The following TRPM3 variants were observed in gnomAD, a reference collection of about 807,000 sequenced individuals.
TRPM3 encodes the protein transient receptor potential cation channel subfamily M member 3.
TRPM3 carries 77 observed loss-of-function variants against 181.2 expected under a neutral mutation model. The observed-to-expected ratio is 0.42, with a 90% confidence interval of 0.35 to 0.51. TRPM3 has a LOEUF of 0.51. TRPM3 is among the 20% of genes least tolerant of loss of function. The pLI is 0.01. For synonymous variants in TRPM3, 745 were observed against 796.4 expected (o/e 0.94, Z 1.09); for missense variants, 1,759 against 2,196.7 (o/e 0.80, Z 3.98).
chr9:70,944,819 T>A (rs1301879157), intron 1 of TRPM3, among the ~76,000 whole-genome samples: 4 of 152,126 alleles, frequency 2.6e-5, no homozygotes, highest in Non-Finnish European at 5.9e-5. Context: ...CAAGGAGATG[T>A]TTATGCTCAC....
intron 6 of TRPM3, among the ~76,000 whole-genome samples, chr9:70,801,709 G>T (rs1438854823): frequency 7.7e-6 from 1 of 130,452 alleles, no homozygotes; most frequent in African/African-American, 2.8e-5. Flanking sequence ...TGTCTTGTCT[G>T]TGAAACAGCT....
chr9:70,783,927 A>C, intron 7 of TRPM3, 178 bp downstream of exon 7: 2 of 1,354,606 alleles, frequency 1.5e-6, no homozygotes, highest in South Asian at 2.0e-5. Flanking sequence ...CAGGACATTT[A>C]GAATATGTTT....
chr9:70,588,690 C>A (rs773420243), intron 22 of TRPM3, among the ~76,000 whole-genome samples: 3 of 152,130 alleles, frequency 2.0e-5, no homozygotes, highest in Non-Finnish European at 4.4e-5. Flanking sequence ...AGAAAAGAGG[C>A]AAGACGTCGT....
chr9:71,321,509 T>C (rs1055727504), intron 1 of TRPM3, among the ~76,000 whole-genome samples: 2 of 152,192 alleles, frequency 1.3e-5, no homozygotes, highest in African/African-American at 2.4e-5. Context: ...TCATCTCATA[T>C]GAGGCATTCA....
intron 7 of TRPM3, among the ~76,000 whole-genome samples, chr9:70,770,368 A>C (rs1339372456): frequency 1.3e-5 from 2 of 152,218 alleles, no homozygotes; most frequent in African/African-American, 4.8e-5. Flanking sequence ...TGCCCATAGA[A>C]GTTCTCAATA....
At chr9:71,002,023 A>T (rs1483452345) in intron 1 of TRPM3, among the ~76,000 whole-genome samples, 2 of 152,182 alleles carry the variant, frequency 1.3e-5, no homozygotes, top group Non-Finnish European at 1.5e-5. Context: ...TACACTTAGC[A>T]ATCAGGTAAA....
chr9:70,787,353 TTC>T (rs2083916294), intron 6 of TRPM3, among the ~76,000 whole-genome samples: 1 of 152,132 alleles, frequency 6.6e-6, no homozygotes, highest in Non-Finnish European at 1.5e-5. Context: ...TGCTTCCAAA[TTC>T]TCTCTTATTT....
At chr9:70,894,293 C>T (rs1013094281) in intron 1 of TRPM3, among the ~76,000 whole-genome samples, 3 of 152,156 alleles carry the variant, frequency 2.0e-5, no homozygotes, top group African/African-American at 4.8e-5. Flanking sequence ...CAGGACACTA[C>T]CAGCTAGGAG....
chr9:70,784,227 A>G lies in TRPM3; in HGVS notation c.1026T>C (p.Asn342=), dbSNP rs2083088220. ...GGTACTCCAAAACAATCGAGATCAC[A>G]TTGGGTCCTCCTTCCACTATGAGTG... ...VVALIVEGGP[N]VISIVLEYLR... is the part of the protein sequence containing the mutation. The change falls in exon 7 of 26, where the codon AAT becomes AAC. Residue 342 remains asparagine (N), a synonymous_variant. Coordinates refer to ENST00000677713, the MANE Select transcript of TRPM3 (RefSeq NM_001366145.2). The G allele has an allele frequency of 6.2e-7, 1 of 1,613,652 alleles. No individual in the cohort carries two copies. Among genetic ancestry groups the G allele is most frequent in the Non-Finnish European group, 8.5e-7 (1 of 1,179,700 alleles).
At chr9:70,617,283 G>A (rs781270832) in intron 17 of TRPM3, among the ~76,000 whole-genome samples, 31 of 152,148 alleles carry the variant, frequency 2.0e-4, no homozygotes, top group Non-Finnish European at 3.4e-4. Context: ...CCAGCAGTGT[G>A]GCTATGGAGT....
chr9:71,181,341 T>A (rs2077389582), intron 1 of TRPM3, among the ~76,000 whole-genome samples: 1 of 148,912 alleles, frequency 6.7e-6, no homozygotes, highest in African/African-American at 2.5e-5. Context: ...GTTTTGTTTT[T>A]AAAAAGAATA....
At chr9:71,103,303 G>A (rs1352402477) in intron 1 of TRPM3, among the ~76,000 whole-genome samples, 1 of 152,108 alleles carries the variant, frequency 6.6e-6, no homozygotes, top group Non-Finnish European at 1.5e-5. Flanking sequence ...ATTAAAAATA[G>A]AATGGAAAAA....
chr9:70,894,191 G>C (rs2096250965), intron 1 of TRPM3, among the ~76,000 whole-genome samples: 1 of 152,188 alleles, frequency 6.6e-6, no homozygotes, highest in South Asian at 2.1e-4. Context: ...TTTGGTGTTA[G>C]ATACAAATGC....
At chr9:71,130,107 C>T (rs575636047) in intron 1 of TRPM3, among the ~76,000 whole-genome samples, 1 of 152,116 alleles carries the variant, frequency 6.6e-6, no homozygotes, top group African/African-American at 2.4e-5. Flanking sequence ...TTGATTCCTA[C>T]CTGCATTTTC....
At chr9:70,675,865 AC>A (rs1226977936) in intron 9 of TRPM3, among the ~76,000 whole-genome samples, 1 of 152,208 alleles carries the variant, frequency 6.6e-6, no homozygotes, top group Non-Finnish European at 1.5e-5. Context: ...GTTTTTGATT[AC>A]AATATGTCTC....
At position 71,127,955 on chromosome 9, in the gene TRPM3, T is replaced by A. The variant is rs188314413; in HGVS notation, c.184-263444A>T. On this transcript the variant is annotated intron_variant, in intron 1 of 24. Transcript: ENST00000357533. Reference sequence around the variant, plus strand: ...AAACCTTAGAAGAAGTTCCCACACATGCTAAGAGCTAGAAAAATATTAGCA... The same window carrying A: ...AAACCTTAGAAGAAGTTCCCACACAAGCTAAGAGCTAGAAAAATATTAGCA... Among the ~76,000 whole-genome samples, 72 of 152,334 alleles carry A rather than the reference T, an allele frequency of 4.7e-4. 1 individual carries two copies. The highest frequency in any genetic ancestry group is 4.4e-3 in the Admixed American group (67 of 15,302).
chr9:70,556,234 C>G (rs896622469), intron 22 of TRPM3, among the ~76,000 whole-genome samples: 97 of 146,376 alleles, frequency 6.6e-4, no homozygotes, highest in African/African-American at 2.3e-3. Flanking sequence ...AGCTTAATAT[C>G]TTTTTTTTTT....
intron 1 of TRPM3, among the ~76,000 whole-genome samples, chr9:71,183,458 T>C (rs923040368): frequency 1.3e-5 from 2 of 152,128 alleles, no homozygotes; most frequent in Non-Finnish European, 2.9e-5. Flanking sequence ...GCTTTTTCAT[T>C]TCCTGTGTTA....
Position 70,949,729 on chromosome 9 carries a change from T to C in TRPM3, c.178-85218A>G, listed in dbSNP as rs1306423201. ...TGAATGTAATCTTAAAGGCAATAAA[T>C]GGGAAGTCAATGAAGAATTTTAAGA... On this transcript the variant is annotated intron_variant, in intron 1 of 25. Coordinates refer to ENST00000677713, the MANE Select transcript of TRPM3 (RefSeq NM_001366145.2). 3.3e-5 allele frequency among the ~76,000 whole-genome samples: 5 copies of C among 151,886 alleles called. No homozygotes were observed. The East Asian group carries it at 9.6e-4, about 29-fold the overall frequency.
Sources: gnomAD v4.1 joint callset for allele counts (sites outside exome capture counted in the v4.1 genomes callset) on GRCh38, gnomAD v4.1.1 for gene constraint, MANE v1.5 for transcripts, NCBI Gene and HGNC (gene_info 2026-07-23, HGNC 2026-07-21) for gene names.